The following LDLRAD4 variants were observed in gnomAD, a reference collection of about 807,000 sequenced individuals.
LDLRAD4 encodes low-density lipoprotein receptor class A domain-containing protein 4.
Under a neutral mutation model 17.0 loss-of-function variants are expected in LDLRAD4, and 5 were observed. That is an observed-to-expected ratio of 0.29 (90% CI 0.15 to 0.62). The LOEUF (loss-of-function observed/expected upper bound fraction) is 0.62. LDLRAD4 is among the 20% of genes least tolerant of loss of function. LDLRAD4 has a pLI of 0.84. For synonymous variants in LDLRAD4, 168 were observed against 171.8 expected, an observed-to-expected ratio of 0.98 and a Z score of 0.17; for missense variants, 340 against 424.7, an observed-to-expected ratio of 0.80 and a Z score of 1.75.
intron 1 of LDLRAD4, among the ~76,000 whole-genome samples, chr18:13,220,730 A>C (rs1045817699): frequency 6.6e-6 from 1 of 152,228 alleles, no homozygotes; most frequent in Non-Finnish European, 1.5e-5. Context: ...GCAGCCTGGC[A>C]GACCAGCCTC....
intron 3 of LDLRAD4, among the ~76,000 whole-genome samples, chr18:13,605,344 A>C (rs1217536442): frequency 6.6e-6 from 1 of 152,148 alleles, no homozygotes; most frequent in Non-Finnish European, 1.5e-5. Context: ...CAGCCTCCGG[A>C]GTAACTGGGA....
At chr18:13,343,399 A>G (rs2082492706) in intron 1 of LDLRAD4, among the ~76,000 whole-genome samples, 1 of 152,112 alleles carries the variant, frequency 6.6e-6, no homozygotes, top group Non-Finnish European at 1.5e-5. Flanking sequence ...ATGTCCCTAC[A>G]AAGGACATGA....
Position 13,644,172 on chromosome 18 carries a change from T to A in LDLRAD4, c.390+760T>A, listed in dbSNP as rs561199951. 8.5e-5 allele frequency among the ~76,000 whole-genome samples: 13 copies of A among 152,226 alleles called. No individual in the cohort carries two copies. In the South Asian group the frequency reaches 2.7e-3, roughly 32 times the overall value. On this transcript the variant is annotated intron_variant, in intron 5 of 5. Coordinates refer to ENST00000359446, the Ensembl canonical transcript of LDLRAD4. The stretch of plus-strand genomic sequence containing the variant: ...AAACAGTCATTTTGGGGGGAATTTG[T>A]TAAAAAGTAATTGGCAATGATCTTC...
intron 3 of LDLRAD4, among the ~76,000 whole-genome samples, chr18:13,505,026 G>T (rs1032599707): frequency 6.6e-6 from 1 of 152,204 alleles, no homozygotes; most frequent in East Asian, 1.9e-4. Flanking sequence ...GATCTCAGGG[G>T]TTGCCATCCA....
intron 2 of LDLRAD4, among the ~76,000 whole-genome samples, chr18:13,428,366 C>T (rs193290110): frequency 6.6e-6 from 1 of 152,028 alleles, no homozygotes; most frequent in Non-Finnish European, 1.5e-5. Context: ...ATGGATGAGC[C>T]CTGTGTGCAG....
In LDLRAD4 at chr18:13,398,949, A is replaced by G. The variant is rs1286447467; in HGVS notation, c.40+11187A>G. ...CACCCAGATCTTCATCTTTGTAATG[A>G]TGATCGGGGCTGGGAGCAGTGGCTC... On this transcript the variant is annotated intron_variant, in intron 2 of 5. Transcript: ENST00000359446. The surrounding 1 kb of genome is among the most constrained non-coding windows in gnomAD (Gnocchi z 4.8). 1.3e-5 allele frequency among the ~76,000 whole-genome samples: 2 copies of G among 152,144 alleles called. No homozygotes were observed. Among genetic ancestry groups the G allele is most frequent in the Non-Finnish European group, 2.9e-5 (2 of 68,034 alleles).
intron 3 of LDLRAD4, chr18:13,501,048 A>AG (rs1185743365): frequency 1.3e-5 from 2 of 149,746 alleles, no homozygotes; most frequent in Non-Finnish European, 3.0e-5. Flanking sequence ...AGGAAGTTGC[A>AG]GGGGGTCTCT....
chr18:13,425,619 CTCTT>C (rs2089869277), intron 2 of LDLRAD4, among the ~76,000 whole-genome samples: 1 of 152,214 alleles, frequency 6.6e-6, no homozygotes, highest in African/African-American at 2.4e-5. Flanking sequence ...CATCCCTTCT[CTCTT>C]TAATGATGAC....
At chr18:13,587,230 A>G (rs2094947720) in intron 3 of LDLRAD4, among the ~76,000 whole-genome samples, 1 of 152,168 alleles carries the variant, frequency 6.6e-6, no homozygotes, top group African/African-American at 2.4e-5. Context: ...ACAGGTTCCC[A>G]GGTGATGCTG....
intron 2 of LDLRAD4, among the ~76,000 whole-genome samples, chr18:13,393,366 GCAGC>G (rs2086419432): frequency 6.6e-6 from 1 of 152,178 alleles, no homozygotes; most frequent in South Asian, 2.1e-4. Context: ...AGGTGGGCAG[GCAGC>G]GGGCAGTGTT....
At chr18:13,323,728 A>G (rs2143448480) in intron 1 of LDLRAD4, among the ~76,000 whole-genome samples, 1 of 152,254 alleles carries the variant, frequency 6.6e-6, no homozygotes, top group African/African-American at 2.4e-5. Context: ...TCCAGTGAAT[A>G]CTCTGAAATG....
At chr18:13,226,772 A>C (rs1292620328) in intron 1 of LDLRAD4, among the ~76,000 whole-genome samples, 2 of 152,160 alleles carry the variant, frequency 1.3e-5, no homozygotes, top group African/African-American at 2.4e-5. Context: ...ATTAAATTCT[A>C]CTCAGGTAGG....
rs187156384 is a variant in LDLRAD4, at chr18:13,464,275, G to A, written c.181+25891G>A. On this transcript the variant is annotated intron_variant, in intron 3 of 5. Coordinates refer to ENST00000359446, the Ensembl canonical transcript of LDLRAD4. Reference sequence around the variant, plus strand: ...TATGGTTTTTATAAAATGAAACGATGGCTAATAGCTCAGCAGAGAAGTATT... The same window carrying A: ...TATGGTTTTTATAAAATGAAACGATAGCTAATAGCTCAGCAGAGAAGTATT... Among the ~76,000 whole-genome samples, 36 of 152,292 alleles carry A rather than the reference G, an allele frequency of 2.4e-4. 1 individual carries two copies. Among genetic ancestry groups the A allele is most frequent in the African/African-American group, 8.4e-4 (35 of 41,568 alleles).
chr18:13,242,447 C>T (rs374440192), intron 1 of LDLRAD4, among the ~76,000 whole-genome samples: 6 of 152,156 alleles, frequency 3.9e-5, no homozygotes, highest in African/African-American at 9.7e-5. Flanking sequence ...GCAAGACCTT[C>T]GTGGACTTCA....
intron 3 of LDLRAD4, among the ~76,000 whole-genome samples, chr18:13,553,006 C>T (rs191792730): frequency 1.8e-4 from 28 of 152,184 alleles, no homozygotes; most frequent in African/African-American, 6.0e-4. Context: ...TCATCCTCTG[C>T]GTATTTTTAA....
intron 3 of LDLRAD4, chr18:13,490,539 T>A (rs1028558869): frequency 6.6e-6 from 1 of 152,242 alleles, no homozygotes; most frequent in African/African-American, 2.4e-5. Flanking sequence ...ATGTATCCTT[T>A]TGTGAGGTTT....
chr18:13,545,348 A>G (rs1206284909), intron 3 of LDLRAD4, among the ~76,000 whole-genome samples: 2 of 152,216 alleles, frequency 1.3e-5, no homozygotes, highest in Non-Finnish European at 2.9e-5. Flanking sequence ...TCTGATCTTT[A>G]TGTCCAAGTT....
intron 1 of LDLRAD4, among the ~76,000 whole-genome samples, chr18:13,372,946 C>T (rs1458303710): frequency 6.6e-6 from 1 of 152,192 alleles, no homozygotes; most frequent in Non-Finnish European, 1.5e-5. Flanking sequence ...TGTCTGGGCT[C>T]CAGTTGCGTC....
chr18:13,591,263 A>G (rs1568379044), intron 3 of LDLRAD4, among the ~76,000 whole-genome samples: 1 of 152,234 alleles, frequency 6.6e-6, no homozygotes, highest in Non-Finnish European at 1.5e-5. Flanking sequence ...TTATTGTAGA[A>G]ACTGGTTTGC....
Sources: gnomAD v4.1 joint callset for allele counts (sites outside exome capture counted in the v4.1 genomes callset) on GRCh38, gnomAD v4.1.1 for gene constraint, Gnocchi (gnomAD v3.1) non-coding constraint, MANE v1.5 for transcripts, NCBI Gene and HGNC (gene_info 2026-07-23, HGNC 2026-07-21) for gene names.